Variants in TENM2 observed in about 807,000 individuals in gnomAD.
TENM2 encodes teneurin transmembrane protein 2, also known as teneurin-2.
In TENM2, 52 loss-of-function variants were observed where a neutral mutation model predicts 245.2. The ratio of observed to expected loss-of-function variants is 0.21; its 90% CI spans 0.17 to 0.27. The LOEUF is 0.27. TENM2 is among the 10% of genes least tolerant of loss of function. TENM2 has a pLI of 1.00. For missense variants in TENM2, 3,046 were observed against 3,666.8 expected (o/e 0.83, Z 4.37); for synonymous variants, 1,363 against 1,438.9 (o/e 0.95, Z 1.19).
At chr5:167,163,031 T>G in the TENM2 span, among the ~76,000 whole-genome samples, 2 of 152,200 alleles carry the variant, frequency 1.3e-5, no homozygotes, top group African/African-American at 4.8e-5. Flanking sequence ...CACTTTAGAT[T>G]TGAATAATGG....
chr5:167,018,470 G>C, the TENM2 span, among the ~76,000 whole-genome samples: 7,835 of 151,714 alleles, frequency 0.052, 667 homozygotes, highest in African/African-American at 0.18. Flanking sequence ...GTCACTGACT[G>C]AAGAAAGTAA....
chr5:168,260,170 C>A, intron 27 of TENM2, 113 bp from the exon 30 acceptor site: 1 of 1,098,968 alleles, frequency 9.1e-7, no homozygotes, highest in Non-Finnish European at 1.3e-6. Flanking sequence ...TTCCTCCCTC[C>A]CCTTTGGGCC....
rs572731256 is a variant in TENM2 at position 167,546,911 on chromosome 5, C to T, written c.502+171438C>T. On this transcript the variant is annotated intron_variant, in intron 2 of 28. Transcript: ENST00000518659. Reference sequence around the variant, plus strand: ...CTCAATCATTATGCTGGCCTCCTCTCCTGGGCACTCTCAGTATACAGACTC... The same window carrying T: ...CTCAATCATTATGCTGGCCTCCTCTTCTGGGCACTCTCAGTATACAGACTC... 1.1e-4 allele frequency among the ~76,000 whole-genome samples: 17 copies of T among 152,262 alleles called. 1 individual carries two copies. The highest frequency in any genetic ancestry group is 4.1e-4 in the African/African-American group (17 of 41,558).
the TENM2 span, among the ~76,000 whole-genome samples, chr5:167,275,631 G>T: frequency 1.3e-5 from 2 of 152,012 alleles, no homozygotes; most frequent in African/African-American, 4.8e-5. Flanking sequence ...TAAATGCTTT[G>T]TGTTTTGATT....
At chr5:167,283,666 T>C (rs1771181465), upstream of TENM2, among the ~76,000 whole-genome samples, 1 of 152,220 alleles carries the variant, frequency 6.6e-6, no homozygotes, top group Admixed American at 6.5e-5. Context: ...GAAAAATCAT[T>C]GCCCTGGCTC....
At chr5:168,066,262 G>T (rs745366726) in intron 7 of TENM2, among the ~76,000 whole-genome samples, 2 of 152,152 alleles carry the variant, frequency 1.3e-5, no homozygotes, top group Non-Finnish European at 2.9e-5. Flanking sequence ...CTGCTTGGAA[G>T]TCACACATAT....
At chr5:168,051,224 C>G (rs575029304) in intron 6 of TENM2, among the ~76,000 whole-genome samples, 34 of 152,290 alleles carry the variant, frequency 2.2e-4, no homozygotes, top group African/African-American at 7.9e-4. Context: ...ATTCTCAAAA[C>G]CTATCACTCA....
At chr5:167,710,210 T>C (rs1021043900) in intron 2 of TENM2, among the ~76,000 whole-genome samples, 1 of 152,202 alleles carries the variant, frequency 6.6e-6, no homozygotes, top group African/African-American at 2.4e-5. Flanking sequence ...GGTATGTGTG[T>C]GTATACATAT....
At chr5:167,764,357 A>G (rs1236516149) in intron 2 of TENM2, among the ~76,000 whole-genome samples, 2 of 152,136 alleles carry the variant, frequency 1.3e-5, no homozygotes, top group African/African-American at 4.8e-5. Context: ...TTTCCATCAT[A>G]GTGCTTCTTA....
intron 1 of TENM2, among the ~76,000 whole-genome samples, chr5:167,308,867 T>C (rs113380464): frequency 0.011 from 1,681 of 152,298 alleles, 38 homozygotes; most frequent in African/African-American, 0.038. Flanking sequence ...AACTACCACG[T>C]TGGAGACGAA....
At chr5:167,059,312 C>T in the TENM2 span, among the ~76,000 whole-genome samples, 4 of 152,124 alleles carry the variant, frequency 2.6e-5, no homozygotes, top group South Asian at 2.1e-4. Context: ...TTTTGGAATT[C>T]ATAGTGCATT....
intron 2 of TENM2, among the ~76,000 whole-genome samples, chr5:167,843,490 A>G (rs1769740826): frequency 2.0e-5 from 3 of 152,146 alleles, no homozygotes; most frequent in South Asian, 4.2e-4. Flanking sequence ...TACTTGTCCA[A>G]CTGTATTTGT....
At position 167,589,279 on chromosome 5, in the gene TENM2, C is replaced by A. The variant is rs180940405; in HGVS notation, c.502+213806C>A. Among the ~76,000 whole-genome samples the A allele has an allele frequency of 3.1e-4, 47 of 152,166 alleles. 1 individual carries two copies. Among genetic ancestry groups the A allele is most frequent in the Admixed American group, 1.2e-3 (19 of 15,296 alleles). On this transcript the variant is annotated intron_variant, in intron 2 of 28. Transcript: ENST00000518659. The stretch of plus-strand genomic sequence containing the variant: ...TACCATTGTCACAAAGCCACACAAC[C>A]TTTCATGTGTTGTCTCTGTTCAGTG...
intron 2 of TENM2, among the ~76,000 whole-genome samples, chr5:167,829,522 G>A (rs1265036212): frequency 6.6e-6 from 1 of 152,138 alleles, no homozygotes; most frequent in East Asian, 1.9e-4. Flanking sequence ...ATCTCTAGAG[G>A]CCCATGAATT....
At chr5:168,100,653 A>G (rs1481361984) in intron 9 of TENM2, among the ~76,000 whole-genome samples, 7 of 152,166 alleles carry the variant, frequency 4.6e-5, no homozygotes, top group Non-Finnish European at 1.5e-5. Context: ...CAAACACTGC[A>G]TGTTCTCACT....
At chr5:167,385,927 T>C (rs1011628804) in intron 2 of TENM2, among the ~76,000 whole-genome samples, 3 of 151,200 alleles carry the variant, frequency 2.0e-5, no homozygotes, top group Admixed American at 6.6e-5. Context: ...CACTCATTGA[T>C]TGATGGGCAT....
chr5:167,164,569 A>G, the TENM2 span, among the ~76,000 whole-genome samples: 1 of 152,214 alleles, frequency 6.6e-6, no homozygotes, highest in Non-Finnish European at 1.5e-5. Context: ...AGTTCAATCT[A>G]GACACGAGAG....
intron 13 of TENM2, among the ~76,000 whole-genome samples, chr5:168,185,449 C>T (rs942623778): frequency 8.5e-5 from 13 of 152,240 alleles, no homozygotes; most frequent in Non-Finnish European, 1.3e-4. Context: ...TATCTACCAT[C>T]GTGATCATCA....
chr5:168,199,595 G>A (rs2152529125), intron 16 of TENM2, among the ~76,000 whole-genome samples: 1 of 152,272 alleles, frequency 6.6e-6, no homozygotes, highest in South Asian at 2.1e-4. Context: ...TACATCTTTT[G>A]CCAACAGTGT....
Sources: gnomAD v4.1 joint callset for allele counts (sites outside exome capture counted in the v4.1 genomes callset) on GRCh38, gnomAD v4.1.1 for gene constraint, MANE v1.5 for transcripts, NCBI Gene and HGNC (gene_info 2026-07-23, HGNC 2026-07-21) for gene names.